The following NELL1 variants were observed in gnomAD, a reference collection of about 807,000 sequenced individuals.
The protein encoded by NELL1 is protein kinase C-binding protein NELL1.
A neutral mutation model predicts 107.4 loss-of-function variants in NELL1; 76 were observed. That is an observed-to-expected ratio of 0.71 (90% CI 0.59 to 0.86). The LOEUF (loss-of-function observed/expected upper bound fraction) is 0.86. Among genes scored for constraint, NELL1 ranks in the 40% least tolerant of loss-of-function variants. The probability of loss-of-function intolerance (pLI) is 0.00; values close to 1 mark genes in which losing one functional copy is unlikely to be tolerated. For missense variants in NELL1, 1,024 were observed against 1,005.5 expected (o/e 1.02, Z -0.25); for synonymous variants, 353 against 341.2 (o/e 1.03, Z -0.38).
chr11:20,831,151 A>G (rs1858000658), intron 3 of NELL1, among the ~76,000 whole-genome samples: 1 of 152,202 alleles, frequency 6.6e-6, no homozygotes, highest in African/African-American at 2.4e-5. Flanking sequence ...AGAGAAGAAT[A>G]CCTTCTAATA....
chr11:21,244,637 A>G (rs1268697808), intron 14 of NELL1, among the ~76,000 whole-genome samples: 1 of 152,142 alleles, frequency 6.6e-6, no homozygotes, highest in Non-Finnish European at 1.5e-5. Flanking sequence ...ATCTGGGGCA[A>G]AGTCTCCTCA....
intron 2 of NELL1, among the ~76,000 whole-genome samples, chr11:20,725,351 C>T (rs1280260152): frequency 6.6e-6 from 1 of 152,190 alleles, no homozygotes; most frequent in Non-Finnish European, 1.5e-5. Context: ...TCAGTGGCAT[C>T]AGGGAAGCCC....
intron 2 of NELL1, among the ~76,000 whole-genome samples, chr11:20,776,768 G>T (rs569008803): frequency 2.0e-5 from 3 of 152,210 alleles, no homozygotes; most frequent in South Asian, 4.1e-4. Flanking sequence ...TGTGGGCTGT[G>T]GGGGAGAGGA....
chr11:20,767,521 G>A (rs1414498897), intron 2 of NELL1, among the ~76,000 whole-genome samples: 4 of 152,064 alleles, frequency 2.6e-5, no homozygotes, highest in Middle Eastern at 3.2e-3. Context: ...GCTGATTGGT[G>A]CATTTTTACA....
rs747826260 is a variant in NELL1, at chr11:20,885,553, G to C, written c.603+13G>C. On this transcript the variant is annotated intron_variant, in intron 5 of 19. Coordinates refer to ENST00000357134, the MANE Select transcript of NELL1 (RefSeq NM_006157.5). The stretch of plus-strand genomic sequence containing the variant: ...TGGCTTATTCAAAGTAAGCACTAAC[G>C]TTCTTTTTATTGAAGTATATATATA... 1 of 1,515,054 alleles carries C rather than the reference G, an allele frequency of 6.6e-7. No individual in the cohort carries two copies. Among genetic ancestry groups the C allele is most frequent in the Admixed American group, 1.7e-5 (1 of 59,856 alleles). 93.9% of individuals were successfully genotyped at this position (1,515,054 alleles called of 1,614,324 possible).
chr11:21,017,579 G>T (rs1364808112), intron 12 of NELL1, among the ~76,000 whole-genome samples: 3 of 152,012 alleles, frequency 2.0e-5, no homozygotes, highest in Non-Finnish European at 4.4e-5. Context: ...TATGGTACCG[G>T]CTTCAGAGAA....
At chr11:21,272,831 C>T (rs1228580066) in intron 14 of NELL1, among the ~76,000 whole-genome samples, 3 of 152,234 alleles carry the variant, frequency 2.0e-5, no homozygotes, top group South Asian at 4.1e-4. Context: ...AACAGACCTG[C>T]AGCTGAGGTT....
intron 5 of NELL1, among the ~76,000 whole-genome samples, chr11:20,906,384 C>G (rs1223207898): frequency 6.6e-6 from 1 of 152,032 alleles, no homozygotes; most frequent in African/African-American, 2.4e-5. Flanking sequence ...AAGTCTGGGA[C>G]CAGATGGCTT....
At chr11:20,909,498 A>G (rs961098478) in intron 5 of NELL1, among the ~76,000 whole-genome samples, 3 of 152,164 alleles carry the variant, frequency 2.0e-5, no homozygotes, top group Non-Finnish European at 4.4e-5. Context: ...GGCCGGGAAG[A>G]AGAATCTTGG....
chr11:21,335,009 G>A (rs192110968), intron 14 of NELL1, among the ~76,000 whole-genome samples: 242 of 152,038 alleles, frequency 1.6e-3, no homozygotes, highest in African/African-American at 5.3e-3. Flanking sequence ...AGAATTAGAG[G>A]CATGGTGTCC....
chr11:20,874,291 C>T (rs1849262227), intron 4 of NELL1, among the ~76,000 whole-genome samples: 3 of 152,212 alleles, frequency 2.0e-5, no homozygotes, highest in Admixed American at 2.0e-4. Context: ...TGGTCTTGAA[C>T]TCCTGACCTC....
intron 12 of NELL1, among the ~76,000 whole-genome samples, chr11:21,026,482 A>G (rs1852816343): frequency 6.6e-6 from 1 of 152,140 alleles, no homozygotes; most frequent in African/African-American, 2.4e-5. Flanking sequence ...TATGATTCCC[A>G]TTCGCCATCC....
At chr11:21,534,150 G>T (rs1410495728) in intron 15 of NELL1, among the ~76,000 whole-genome samples, 1 of 152,104 alleles carries the variant, frequency 6.6e-6, no homozygotes, top group East Asian at 1.9e-4. Flanking sequence ...GTGACCATAA[G>T]CTCTCATTCA....
intron 15 of NELL1, among the ~76,000 whole-genome samples, chr11:21,525,005 C>G (rs147766312): frequency 1.4e-3 from 211 of 152,164 alleles, no homozygotes; most frequent in Admixed American, 2.4e-3. Flanking sequence ...AATCCATAGG[C>G]AATAGTAAAT....
intron 15 of NELL1, among the ~76,000 whole-genome samples, chr11:21,481,628 G>A (rs1480508361): frequency 6.6e-6 from 1 of 152,184 alleles, no homozygotes; most frequent in Non-Finnish European, 1.5e-5. Context: ...GCCCCTGCAT[G>A]TTTACTTGTC....
At chr11:20,834,711 A>C (rs933047866) in intron 3 of NELL1, among the ~76,000 whole-genome samples, 34 of 149,896 alleles carry the variant, frequency 2.3e-4, no homozygotes, top group African/African-American at 6.9e-4. Flanking sequence ...AAAAAAAAAA[A>C]CAAAAAACAA....
intron 13 of NELL1, among the ~76,000 whole-genome samples, chr11:21,177,300 T>C (rs969364514): frequency 9.2e-5 from 14 of 151,806 alleles, no homozygotes; most frequent in Non-Finnish European, 1.8e-4. Context: ...ACCACCGTTT[T>C]ACTCCCTACA....
intron 12 of NELL1, among the ~76,000 whole-genome samples, chr11:21,101,334 A>C (rs1345955506): frequency 6.6e-6 from 1 of 152,190 alleles, no homozygotes; most frequent in Non-Finnish European, 1.5e-5. Context: ...CATGATTTAT[A>C]ATCCTTTGGG....
At chr11:20,820,255 C>T (rs1295677259) in intron 3 of NELL1, among the ~76,000 whole-genome samples, 1 of 152,192 alleles carries the variant, frequency 6.6e-6, no homozygotes, top group Non-Finnish European at 1.5e-5. Flanking sequence ...GCTAATCCTT[C>T]CCTGACAAAT....
Sources: allele counts gnomAD v4.1 joint callset (sites outside exome capture counted in the v4.1 genomes callset), GRCh38; gene constraint gnomAD v4.1.1; transcripts MANE v1.5; gene names NCBI Gene and HGNC (gene_info 2026-07-23, HGNC 2026-07-21).